KIAA1328: variants seen among roughly 807,000 people sequenced by gnomAD.
KIAA1328 encodes KIAA1328, also known as protein hinderin.
Under a neutral mutation model 68.1 loss-of-function variants are expected in KIAA1328, and 52 were observed. The observed-to-expected ratio is 0.76, with a 90% CI of 0.61 to 0.96. The LOEUF (loss-of-function observed/expected upper bound fraction) is 0.96. Among genes scored for constraint, KIAA1328 ranks in the 40% least tolerant of loss-of-function variants. The pLI, the probability that KIAA1328 is intolerant of heterozygous loss-of-function variation, is 0.00. For synonymous variants in KIAA1328, 232 were observed against 239.4 expected, an observed-to-expected ratio of 0.97 and a Z score of 0.28; for missense variants, 641 against 677.6, an observed-to-expected ratio of 0.95 and a Z score of 0.60.
At chr18:37,092,043 A>G (rs2057281960) in intron 7 of KIAA1328, among the ~76,000 whole-genome samples, 1 of 152,042 alleles carries the variant, frequency 6.6e-6, no homozygotes, top group Non-Finnish European at 1.5e-5. Flanking sequence ...ACCCACTACC[A>G]GCAGTGCCCA....
chr18:36,947,098 A>T (rs985633173), intron 5 of KIAA1328, among the ~76,000 whole-genome samples: 2 of 152,150 alleles, frequency 1.3e-5, no homozygotes, highest in African/African-American at 4.8e-5. Context: ...TGGGAGGTGG[A>T]GGTTGCAGTG....
At chr18:36,972,711 A>G (rs1048890068) in intron 6 of KIAA1328, among the ~76,000 whole-genome samples, 6 of 152,142 alleles carry the variant, frequency 3.9e-5, no homozygotes, top group African/African-American at 1.2e-4. Flanking sequence ...GGTGTCCCCT[A>G]TATCCAGCGG....
At chr18:37,179,083 T>A (rs889440742) in intron 9 of KIAA1328, among the ~76,000 whole-genome samples, 1 of 152,180 alleles carries the variant, frequency 6.6e-6, no homozygotes, top group Non-Finnish European at 1.5e-5. Context: ...TGTAATCCCA[T>A]TTGTCTATTT....
chr18:37,221,580 A>G (rs1418604197), intron 9 of KIAA1328, among the ~76,000 whole-genome samples: 1 of 152,150 alleles, frequency 6.6e-6, no homozygotes, highest in Admixed American at 6.5e-5. Flanking sequence ...TACTTCCCTG[A>G]GCTTTAATTT....
intron 8 of KIAA1328, among the ~76,000 whole-genome samples, chr18:37,162,818 G>A (rs2059309769): frequency 6.6e-6 from 1 of 150,682 alleles, no homozygotes; most frequent in African/African-American, 2.4e-5. Flanking sequence ...TTTATTACCA[G>A]TATCTTACTC....
chr18:37,115,734 G>T (rs189278569), intron 7 of KIAA1328, among the ~76,000 whole-genome samples: 149 of 152,270 alleles, frequency 9.8e-4, no homozygotes, highest in African/African-American at 3.5e-3. Context: ...GTCCCTGTTT[G>T]CAGATGACAT....
At position 37,180,112 on chromosome 18, in the gene KIAA1328, A is replaced by G. The variant is rs567161002; in HGVS notation, c.1523+7031A>G. Among the ~76,000 whole-genome samples, 66 of 151,298 alleles carry G rather than the reference A, an allele frequency of 4.4e-4. 2 individuals are homozygous for G. The South Asian group carries it at 0.014, about 31-fold the overall frequency. The stretch of plus-strand genomic sequence containing the variant: ...CACACACACACACACACACATTTTT[A>G]TACTGGGAACAAAAATATAATACTG... On this transcript the variant is annotated intron_variant, in intron 9 of 9. Transcript: ENST00000280020.
chr18:37,091,220 T>C (rs1363657531), intron 7 of KIAA1328, among the ~76,000 whole-genome samples: 1 of 152,090 alleles, frequency 6.6e-6, no homozygotes, highest in Non-Finnish European at 1.5e-5. Context: ...AATAACTAAG[T>C]GTCAAATAGA....
chr18:36,907,693 A>G (rs1463897286), intron 5 of KIAA1328, among the ~76,000 whole-genome samples: 1 of 152,174 alleles, frequency 6.6e-6, no homozygotes, highest in African/African-American at 2.4e-5. Flanking sequence ...TTGCTTAATG[A>G]GAGACAGTCA....
chr18:36,989,096 C>T (rs894287454), intron 6 of KIAA1328, among the ~76,000 whole-genome samples: 3 of 152,024 alleles, frequency 2.0e-5, no homozygotes, highest in Non-Finnish European at 2.9e-5. Context: ...TTGGTAATGC[C>T]TTTATGTTGA....
At chr18:36,913,521 C>CACACACACACACT (rs373001161) in intron 5 of KIAA1328, among the ~76,000 whole-genome samples, 8 of 92,976 alleles carry the variant, frequency 8.6e-5, no homozygotes, top group Admixed American at 4.9e-4. Flanking sequence ...CACACACACA[C>CACACACACACACT]ACTTAGAGGA....
intron 6 of KIAA1328, among the ~76,000 whole-genome samples, chr18:37,027,846 A>G (rs2860990): frequency 0.59 from 90,102 of 151,522 alleles, 28,606 homozygotes; most frequent in East Asian, 0.87. Context: ...AGCAATGGCA[A>G]CAAAAGCCAA....
At chr18:37,218,844 C>A (rs1006631899) in intron 9 of KIAA1328, among the ~76,000 whole-genome samples, 1 of 152,228 alleles carries the variant, frequency 6.6e-6, no homozygotes, top group African/African-American at 2.4e-5. Context: ...CTCTGTCCAG[C>A]TTTGTTCCAT....
chr18:36,925,912 T>C (rs2050097968), intron 5 of KIAA1328, among the ~76,000 whole-genome samples: 1 of 152,110 alleles, frequency 6.6e-6, no homozygotes, highest in Non-Finnish European at 1.5e-5. Context: ...TTATTTCATC[T>C]AGTTTCTTCT....
chr18:37,120,495 T>C (rs1278711385), intron 7 of KIAA1328, among the ~76,000 whole-genome samples: 1 of 152,174 alleles, frequency 6.6e-6, no homozygotes, highest in Admixed American at 6.6e-5. Context: ...GAATTCCTGG[T>C]AGTTTGATAA....
At chr18:37,205,952 G>C (rs1160716324) in intron 9 of KIAA1328, among the ~76,000 whole-genome samples, 1 of 152,284 alleles carries the variant, frequency 6.6e-6, no homozygotes, top group East Asian at 1.9e-4. Context: ...GACCATAAAT[G>C]GTCTGGCAAA....
intron 6 of KIAA1328, among the ~76,000 whole-genome samples, chr18:37,052,467 C>T (rs897330392): frequency 1.3e-5 from 2 of 151,964 alleles, no homozygotes; most frequent in Non-Finnish European, 2.9e-5. Flanking sequence ...TCCTGTTCAA[C>T]GTAGTACTGG....
chr18:36,980,806 A>C (rs1414232914), intron 6 of KIAA1328, among the ~76,000 whole-genome samples: 1 of 152,162 alleles, frequency 6.6e-6, no homozygotes, highest in African/African-American at 2.4e-5. Flanking sequence ...GAGTTCTGAC[A>C]GTATTATAAG....
chr18:36,922,268 A>T (rs1412623734), intron 5 of KIAA1328, among the ~76,000 whole-genome samples: 1 of 152,188 alleles, frequency 6.6e-6, no homozygotes, highest in East Asian at 1.9e-4. Flanking sequence ...ACAATTCTTA[A>T]GTAGGTAGGC....
Sources: allele counts gnomAD v4.1 joint callset (sites outside exome capture counted in the v4.1 genomes callset), GRCh38; gene constraint gnomAD v4.1.1; transcripts MANE v1.5; gene names NCBI Gene and HGNC (gene_info 2026-07-23, HGNC 2026-07-21).